The following TUBA3E variants were observed in gnomAD, a reference collection of about 807,000 sequenced individuals.
TUBA3E encodes the protein tubulin alpha-3E chain.
In TUBA3E, 21 loss-of-function variants were observed where a neutral mutation model predicts 36.7. That is an observed-to-expected ratio of 0.57 (90% confidence interval 0.41 to 0.83). The LOEUF (loss-of-function observed/expected upper bound fraction) is 0.83, where lower values mean the gene tolerates loss of function less well. Ranked by LOEUF, TUBA3E falls within the 40% of genes least tolerant of loss-of-function variation. The pLI, the probability that TUBA3E is intolerant of heterozygous loss-of-function variation, is 0.00. For missense variants in TUBA3E, 469 were observed against 604.2 expected (o/e 0.78, Z 2.35); for synonymous variants, 177 against 241.9 (o/e 0.73, Z 2.49).
Position 130,194,344 on chromosome 2 carries a change from C to A in TUBA3E, c.498G>T (p.Lys166Asn). The A allele has an allele frequency of 6.2e-7, 1 of 1,613,300 alleles. No individual in the cohort carries two copies. The highest frequency in any genetic ancestry group is 8.5e-7 in the Non-Finnish European group (1 of 1,179,930). Residue 166 changes from lysine (K) to asparagine (N), a missense_variant, in exon 4 of 5, where the codon AAG (lysine) becomes AAT (asparagine). Around this residue, in one of 3 missense-constraint regions of TUBA3E, gnomAD observed 169 missense variants for 239.0 expected, o/e 0.71. Coordinates refer to ENST00000312988, the MANE Select transcript of TUBA3E (RefSeq NM_207312.3). Reference sequence around the variant, plus strand: ...GGGCTGGGTAAATGGCAAACTCTAGCTTGGACTTCTTGCTGTAATCCACTG... The same window carrying A: ...GGGCTGGGTAAATGGCAAACTCTAGATTGGACTTCTTGCTGTAATCCACTG... ...RLSVDYSKKSKLEFAIYPAPQ... is the reference protein window; with the variant it reads ...RLSVDYSKKSNLEFAIYPAPQ...
chr2:130,194,070 T>A lies in TUBA3E; in HGVS notation c.772A>T (p.Asn258Tyr), dbSNP rs1426588793. The A allele has an allele frequency of 6.2e-7, 1 of 1,613,958 alleles. No homozygotes were observed. Among genetic ancestry groups the A allele is most frequent in the Non-Finnish European group, 8.5e-7 (1 of 1,180,022 alleles). Residue 258 changes from asparagine (N) to tyrosine (Y), a missense_variant, in exon 4 of 5, where the codon AAC (asparagine) becomes TAC (tyrosine). Coordinates refer to ENST00000312988, the MANE Select transcript of TUBA3E (RefSeq NM_207312.3). The part of the protein sequence containing the change: ...LNVDLTEFQT[N>Y]LVPYPRIHFP... ...TGGATGCGGGGGTACGGCACGAGGT[T>A]GGTCTGGAATTCCGTCAAGTCCACA...
At chr2:130,197,456 C>A in intron 1 of TUBA3E, among the ~76,000 whole-genome samples, 1 of 97,562 alleles carries the variant, frequency 1.0e-5, no homozygotes, top group Non-Finnish European at 2.1e-5. Context: ...AACTGTGTTC[C>A]AGCCTGGGCA....
chr2:130,197,504 A>AAG (rs1690439665), intron 1 of TUBA3E, among the ~76,000 whole-genome samples: 1 of 110,008 alleles, frequency 9.1e-6, no homozygotes, highest in African/African-American at 4.3e-5. Flanking sequence ...AAAAAAAAAA[A>AAG]AAAAGAAAAG....
intron 3 of TUBA3E, 119 bp downstream of exon 3, chr2:130,194,960 G>C: frequency 6.5e-7 from 1 of 1,537,496 alleles, no homozygotes; most frequent in African/African-American, 1.4e-5. Flanking sequence ...TTACACGTGT[G>C]AGCCACCGCG....
In TUBA3E at chr2:130,197,382, A is replaced by G. The variant is rs1469075161; in HGVS notation, c.3+976T>C. On this transcript the variant is annotated intron_variant, in intron 1 of 4. Transcript: ENST00000312988. Reference sequence around the variant, plus strand: ...CACACCTGTAGTACCAGCTACTCGGAAGGCTGAGGCGGGAGGACTGCTGGA... The same window carrying G: ...CACACCTGTAGTACCAGCTACTCGGGAGGCTGAGGCGGGAGGACTGCTGGA... Among the ~76,000 whole-genome samples, 701 of 84,520 alleles carry G rather than the reference A, an allele frequency of 8.3e-3. 3 individuals are homozygous for G. The highest frequency in any genetic ancestry group is 0.01 in the Admixed American group (73 of 6,972). 55.4% of individuals were successfully genotyped at this position (84,520 alleles called of 152,430 possible).
intron 4 of TUBA3E, among the ~76,000 whole-genome samples, chr2:130,193,520 A>G (rs6753205): frequency 0.043 from 6,508 of 151,206 alleles, 462 homozygotes; most frequent in African/African-American, 0.15. Context: ...GAGGCCAGAG[A>G]ATTGCTTGAA....
rs1690368803 is a variant in TUBA3E, at chr2:130,194,989, C to T, written c.375+90G>A. 20 of 1,575,330 alleles carry T rather than the reference C, an allele frequency of 1.3e-5. No homozygotes were observed. In the South Asian group the frequency reaches 1.4e-4, roughly 11 times the overall value. On this transcript the variant is annotated intron_variant, in intron 3 of 4. Coordinates refer to ENST00000312988, the MANE Select transcript of TUBA3E (RefSeq NM_207312.3). ...CACCGCGCCCGGCCAAGATGCTGGT[C>T]TAAGTGTTGATAAAATGACTTCCCT...
rs532883470 is a variant in TUBA3E, at chr2:130,195,110, A to C, written c.344T>G (p.Val115Gly). The C allele has an allele frequency of 3.1e-6, 5 of 1,612,000 alleles. No homozygotes were observed. The South Asian group carries it at 5.5e-5, about 18-fold the overall frequency. ...GCGGATCCGGTCCAGGACTAGGTCA[A>C]CAATCTCCTTGCCGATGGTGTAATG... is the stretch of plus-strand genomic sequence containing the variant. The part of the protein sequence containing the change: ...RGHYTIGKEI[V>G]DLVLDRIRKL... Residue 115 changes from valine to glycine, a missense_variant, in exon 3 of 5, where the codon GTT becomes GGT. Physicochemically the swap from Val to Gly is moderately radical, Grantham distance 109. This residue lies in a region of TUBA3E where 169 missense variants were observed against 239.0 expected (regional missense o/e 0.71). Transcript: ENST00000312988.
rs1304995707 is a variant in TUBA3E, at chr2:130,198,103, C to G, written c.3+255G>C. Reference sequence around the variant, plus strand: ...TCAGGAGGCGACGCCACTATTTGCTCTCTGGGGGACGGGATACCGTCAATG... The same window carrying G: ...TCAGGAGGCGACGCCACTATTTGCTGTCTGGGGGACGGGATACCGTCAATG... On this transcript the variant is annotated intron_variant, in intron 1 of 4. Coordinates refer to ENST00000312988, the MANE Select transcript of TUBA3E (RefSeq NM_207312.3). 4.9e-5 allele frequency among the ~76,000 whole-genome samples: 6 copies of G among 122,958 alleles called. 2 individuals carry two copies. Among genetic ancestry groups the G allele is most frequent in the Non-Finnish European group, 1.1e-4 (6 of 55,818 alleles). 80.7% of individuals were successfully genotyped at this position (122,958 alleles called of 152,430 possible). A position where few individuals can be genotyped will look rare whatever the true frequency, so the allele number is the denominator to read the frequency against.
At chr2:130,193,706 A>G in intron 4 of TUBA3E, 80 bp downstream of exon 4, 1 of 1,533,040 alleles carries the variant, frequency 6.5e-7, no homozygotes, top group Non-Finnish European at 8.8e-7. Context: ...TAGTCTCCCC[A>G]AAGGATGTGG....
In TUBA3E at chr2:130,194,137, C is replaced by T. The variant is rs1414133091; in HGVS notation, c.705G>A (p.Val235=). 4 of 1,613,936 alleles carry T rather than the reference C, an allele frequency of 2.5e-6. No individual in the cohort carries two copies. Among genetic ancestry groups the T allele is most frequent in the Admixed American group, 3.3e-5 (2 of 59,988 alleles). ...ATCGCAGGGAGGCCGTGATGGAGGA[C>T]ACGATCTGCCCAATCAGGCGATTGA... ...TNLNRLIGQI[V]SSITASLRFD... is the part of the protein sequence containing the mutation. Residue 235 remains valine (V), a synonymous_variant, in exon 4 of 5, where the codon GTG becomes GTA. Coordinates refer to ENST00000312988, the MANE Select transcript of TUBA3E (RefSeq NM_207312.3).
chr2:130,193,606 CAA>C (rs34918027), intron 4 of TUBA3E, among the ~76,000 whole-genome samples, 178 bp downstream of exon 4: 3,715 of 95,004 alleles, frequency 0.039, 34 homozygotes, highest in Non-Finnish European at 0.045. Context: ...AAGACTGTCT[CAA>C]AAAAAAAAAA....
chr2:130,191,815 C>T lies in TUBA3E; in HGVS notation c.*16G>A. ...CATCCTAGGGGTGGCAGGGGAGAAC[C>T]CACCACACCCTCCCCTCAGTATGCT... On this transcript the variant is annotated 3_prime_UTR_variant, in exon 5 of 5. Coordinates refer to ENST00000312988, the MANE Select transcript of TUBA3E (RefSeq NM_207312.3). The T allele has an allele frequency of 6.3e-7, 1 of 1,586,138 alleles. No homozygotes were observed. Among genetic ancestry groups the T allele is most frequent in the African/African-American group, 1.3e-5 (1 of 74,248 alleles).
Position 130,198,337 on chromosome 2 carries a change from C to T in TUBA3E, c.3+21G>A, listed in dbSNP as rs768948373. On this transcript the variant is annotated intron_variant, in intron 1 of 4. Transcript: ENST00000312988. ...TTCGTCTGCCTGGGCATCTGCGGGG[C>T]GGGAGTGACCCGGGTCTTACCATGG... is the stretch of plus-strand genomic sequence containing the variant. The T allele has an allele frequency of 3.5e-5, 47 of 1,353,444 alleles. 13 individuals carry two copies. Among genetic ancestry groups the T allele is most frequent in the South Asian group, 5.3e-5 (4 of 75,260 alleles). 83.8% of individuals were successfully genotyped at this position (1,353,444 alleles called of 1,614,324 possible). A position where few individuals can be genotyped will look rare whatever the true frequency, so the allele number is the denominator to read the frequency against.
chr2:130,196,782 T>C (rs1690417592), intron 1 of TUBA3E, among the ~76,000 whole-genome samples: 1 of 152,200 alleles, frequency 6.6e-6, no homozygotes, highest in African/African-American at 2.4e-5. Flanking sequence ...CAGGTCACCA[T>C]GGTCCAAGCC....
chr2:130,193,335 G>A (rs1332927128), intron 4 of TUBA3E, among the ~76,000 whole-genome samples: 5 of 152,014 alleles, frequency 3.3e-5, no homozygotes, highest in Non-Finnish European at 7.3e-5. Flanking sequence ...TGACCTGGGC[G>A]CAGTGGCTCA....
Position 130,191,875 on chromosome 2 carries a change from C to G in TUBA3E, c.1309G>C (p.Val437Leu). The G allele has an allele frequency of 1.9e-6, 3 of 1,613,954 alleles. No homozygotes were observed. The highest frequency in any genetic ancestry group is 1.3e-5 in the African/African-American group (1 of 75,048). Residue 437 changes from valine to leucine, a missense_variant, in exon 5 of 5, where the codon GTG (valine) becomes CTG (leucine). Val to Leu is a conservative substitution (Grantham distance 32, BLOSUM62 1). This residue lies in a region of TUBA3E where 296 missense variants were observed against 346.9 expected (regional missense o/e 0.85). Transcript: ENST00000312988. ...ALEKDCEEVG[V>L]DSVEAEAEEG... ...TCAGCCTCAGCTTCCACGGAATCCA[C>G]GCCCACCTCTTCACAATCCTTCTCT...
chr2:130,193,804 C>G lies in TUBA3E; in HGVS notation c.1038G>C (p.Trp346Cys), dbSNP rs148936100. 2,002 of 1,609,260 alleles carry G rather than the reference C, an allele frequency of 1.2e-3. 3 individuals are homozygous for G. Among genetic ancestry groups the G allele is most frequent in the Non-Finnish European group, 1.6e-3 (1,870 of 1,176,304 alleles). Residue 346 changes from tryptophan (W) to cysteine (C), a missense_variant, in exon 4 of 5, where the codon TGG (tryptophan) becomes TGC (cysteine). Coordinates refer to ENST00000312988, the MANE Select transcript of TUBA3E (RefSeq NM_207312.3). ...GTCATACCTTAAATCCAGTCGGGCA[C>G]CAATCCACAAACTGGATAGTGCGCT... Reference protein sequence around the residue: ...KTKRTIQFVDWCPTGFKVGIN... With the variant: ...KTKRTIQFVDCCPTGFKVGIN...
chr2:130,195,429 G>A (rs1045342863), intron 2 of TUBA3E, among the ~76,000 whole-genome samples: 2 of 152,212 alleles, frequency 1.3e-5, no homozygotes, highest in African/African-American at 2.4e-5. Flanking sequence ...ACTCTACGAC[G>A]TTAAACTCAG....
Sources: gnomAD v4.1 joint callset for allele counts (sites outside exome capture counted in the v4.1 genomes callset) on GRCh38, gnomAD v4.1.1 for gene constraint, gnomAD v4.1.1 regional missense constraint, MANE v1.5 for transcripts, NCBI Gene and HGNC (gene_info 2026-07-23, HGNC 2026-07-21) for gene names.